Variants in SMYD3 observed in about 807,000 individuals in gnomAD.
The protein encoded by SMYD3 is histone-lysine N-methyltransferase SMYD3.
In SMYD3, 36 loss-of-function variants were observed where a neutral mutation model predicts 57.7. The ratio of observed to expected loss-of-function variants is 0.62; its 90% CI spans 0.48 to 0.82. The LOEUF is 0.82. Ranked by LOEUF, SMYD3 falls within the 40% of genes least tolerant of loss-of-function variation. The probability of loss-of-function intolerance (pLI) is 0.00; values close to 1 mark genes in which losing one functional copy is unlikely to be tolerated. For missense variants in SMYD3, 515 were observed against 538.8 expected, an observed-to-expected ratio of 0.96 and a Z score of 0.44; for synonymous variants, 211 against 195.0, an observed-to-expected ratio of 1.08 and a Z score of -0.68.
At chr1:245,896,569 C>T (rs1403513865) in intron 8 of SMYD3, among the ~76,000 whole-genome samples, 3 of 152,086 alleles carry the variant, frequency 2.0e-5, no homozygotes, top group Admixed American at 2.0e-4. Flanking sequence ...ATGGTGAGTA[C>T]AGTCAACCTT....
intron 10 of SMYD3, among the ~76,000 whole-genome samples, chr1:245,813,046 G>A (rs1225940316): frequency 1.4e-4 from 17 of 121,192 alleles, no homozygotes; most frequent in Middle Eastern, 6.0e-3. Flanking sequence ...ACGGAGTCTC[G>A]CTCTGTTGCC....
intron 7 of SMYD3, among the ~76,000 whole-genome samples, chr1:245,925,034 C>G (rs1380456969): frequency 1.3e-5 from 2 of 150,724 alleles, no homozygotes; most frequent in African/African-American, 5.0e-5. Flanking sequence ...TGAGGAACTT[C>G]TGCCTCAGTT....
rs1049763317 is a variant in SMYD3, at chr1:246,130,978, A to G, written c.531+196223T>C. Among the ~76,000 whole-genome samples the G allele has an allele frequency of 2.9e-4, 44 of 152,164 alleles. 1 individual carries two copies. The highest frequency in any genetic ancestry group is 9.9e-4 in the African/African-American group (41 of 41,442). On this transcript the variant is annotated intron_variant, in intron 5 of 11. Coordinates refer to ENST00000490107, the MANE Select transcript of SMYD3 (RefSeq NM_001167740.2). ...CGTCTTAACACTCCTAGTCCTGTACACTACACACACTCTATGCTCCAAGGA... is the reference window on the plus strand; with the variant it reads ...CGTCTTAACACTCCTAGTCCTGTACGCTACACACACTCTATGCTCCAAGGA...
chr1:245,761,143 C>A (rs933152504), intron 11 of SMYD3, among the ~76,000 whole-genome samples: 11 of 152,164 alleles, frequency 7.2e-5, no homozygotes, highest in Admixed American at 6.5e-4. Flanking sequence ...AGACACACAG[C>A]AAGTTTGGGT....
intron 10 of SMYD3, among the ~76,000 whole-genome samples, chr1:245,809,360 G>T (rs1346633619): frequency 2.0e-5 from 3 of 152,094 alleles, no homozygotes; most frequent in Non-Finnish European, 4.4e-5. Flanking sequence ...AGGCTTTCGG[G>T]GATTTGTCTG....
At position 245,833,073 on chromosome 1, in the gene SMYD3, A is replaced by AC. The variant is rs1553337078; in HGVS notation, c.1076+25422_1076+25423insG. ...GGAATATGTGACAAAAAAAAAAAAAAAACCTGCTTTTATAATGCTGATTCA... is the reference window on the plus strand; with the variant it reads ...GGAATATGTGACAAAAAAAAAAAAAACAACCTGCTTTTATAATGCTGATTCA... On this transcript the variant is annotated intron_variant, in intron 10 of 11. Transcript: ENST00000490107. Among the ~76,000 whole-genome samples, 269 of 128,634 alleles carry AC rather than the reference A, an allele frequency of 2.1e-3. 27 individuals carry two copies. Among genetic ancestry groups the AC allele is most frequent in the Middle Eastern group, 7.7e-3 (2 of 260 alleles). The allele number at this position is 128,634 out of a possible 152,430, so 84.4% of individuals were successfully genotyped here. A position where few individuals can be genotyped will look rare whatever the true frequency, so the allele number is the denominator to read the frequency against.
At chr1:245,784,910 C>T (rs554843384) in intron 10 of SMYD3, among the ~76,000 whole-genome samples, 27 of 137,314 alleles carry the variant, frequency 2.0e-4, no homozygotes, top group African/African-American at 6.8e-4. Context: ...AGTGTAGTGG[C>T]ACAATTTTGG....
chr1:246,089,014 T>C (rs1271048952), intron 5 of SMYD3, among the ~76,000 whole-genome samples: 3 of 152,162 alleles, frequency 2.0e-5, no homozygotes, highest in African/African-American at 7.2e-5. Flanking sequence ...GACAGGGTAC[T>C]GCACTGTCAC....
chr1:245,924,660 T>C (rs1234987545), intron 7 of SMYD3, among the ~76,000 whole-genome samples: 1 of 13,380 alleles, frequency 7.5e-5, no homozygotes, highest in Admixed American at 1.1e-3. Context: ...TCCAGCTTTT[T>C]TTTTTTTTTT....
At chr1:245,862,365 A>AT (rs986439570) in intron 9 of SMYD3, among the ~76,000 whole-genome samples, 1 of 151,868 alleles carries the variant, frequency 6.6e-6, no homozygotes, top group Non-Finnish European at 1.5e-5. Flanking sequence ...AAAGCCCTAA[A>AT]TTTTTTTCAC....
intron 1 of SMYD3, among the ~76,000 whole-genome samples, chr1:246,391,416 GAAAA>G (rs1553341257): frequency 1.8e-4 from 12 of 68,140 alleles, no homozygotes; most frequent in African/African-American, 5.7e-4. Context: ...GAAAGAGAGA[GAAAA>G]AGAGAGAGAG....
intron 5 of SMYD3, among the ~76,000 whole-genome samples, chr1:245,939,196 A>C (rs1168946442): frequency 6.6e-6 from 1 of 152,098 alleles, no homozygotes; most frequent in African/African-American, 2.4e-5. Context: ...TGTGAAGAAA[A>C]TAGATAATTT....
At chr1:246,003,333 TG>T (rs1394272397) in intron 5 of SMYD3, among the ~76,000 whole-genome samples, 1 of 152,236 alleles carries the variant, frequency 6.6e-6, no homozygotes, top group East Asian at 1.9e-4. Flanking sequence ...CAGCGCCATC[TG>T]GTGGAGCGGT....
At chr1:245,827,488 C>T (rs1390895925) in intron 10 of SMYD3, among the ~76,000 whole-genome samples, 1 of 152,174 alleles carries the variant, frequency 6.6e-6, no homozygotes, top group African/African-American at 2.4e-5. Context: ...CCATGGTTTC[C>T]TCAAGATGCA....
intron 1 of SMYD3, among the ~76,000 whole-genome samples, chr1:246,465,555 G>A (rs904084779): frequency 5.9e-5 from 9 of 152,120 alleles, no homozygotes; most frequent in African/African-American, 1.2e-4. Context: ...CTATCGGGGC[G>A]GGGCACGGTG....
chr1:246,379,252 T>C (rs1470457786), intron 1 of SMYD3, among the ~76,000 whole-genome samples: 2 of 149,946 alleles, frequency 1.3e-5, no homozygotes, highest in Non-Finnish European at 3.0e-5. Context: ...ATTACATGGG[T>C]GTAATAAGAA....
chr1:246,227,638 A>AGAAGAAG (rs891625292), intron 5 of SMYD3, among the ~76,000 whole-genome samples: 1 of 152,020 alleles, frequency 6.6e-6, no homozygotes, highest in Non-Finnish European at 1.5e-5. Flanking sequence ...AGAAGAAAGA[A>AGAAGAAG]GAAGAAGGAA....
At position 245,816,719 on chromosome 1, in the gene SMYD3, G is replaced by A. The variant is rs553733107; in HGVS notation, c.1076+41777C>T. On this transcript the variant is annotated intron_variant, in intron 10 of 11. Transcript: ENST00000490107. ...CCGTGCGCGAGCCGAAGCAGGGTAA[G>A]GCAATGCCTCACTCGGGAAGCGCCA... is the stretch of plus-strand genomic sequence containing the variant. Among the ~76,000 whole-genome samples, 64 of 152,246 alleles carry A rather than the reference G, an allele frequency of 4.2e-4. No individual in the cohort carries two copies. In the East Asian group the frequency reaches 0.011, roughly 27 times the overall value.
intron 1 of SMYD3, among the ~76,000 whole-genome samples, chr1:246,357,322 A>T (rs886558235): frequency 6.6e-6 from 1 of 152,214 alleles, no homozygotes; most frequent in Non-Finnish European, 1.5e-5. Context: ...AAGAGTGACC[A>T]GAGGTCACTG....
Sources: gnomAD v4.1 joint callset for allele counts (sites outside exome capture counted in the v4.1 genomes callset) on GRCh38, gnomAD v4.1.1 for gene constraint, MANE v1.5 for transcripts, NCBI Gene and HGNC (gene_info 2026-07-23, HGNC 2026-07-21) for gene names.